FBRSL1: variants seen among roughly 807,000 people sequenced by gnomAD.
FBRSL1 encodes fibrosin-1-like protein.
FBRSL1 carries 51 observed loss-of-function variants against 89.6 expected under a neutral mutation model. The observed-to-expected ratio is 0.57, with a 90% CI of 0.45 to 0.72. The LOEUF is 0.72. Ranked by LOEUF, FBRSL1 falls within the 30% of genes least tolerant of loss-of-function variation. The probability of loss-of-function intolerance (pLI) is 0.00; values close to 1 mark genes in which losing one functional copy is unlikely to be tolerated. For missense variants in FBRSL1, 1,618 were observed against 1,451.8 expected (o/e 1.11, Z -1.86); for synonymous variants, 779 against 681.1 (o/e 1.14, Z -2.24).
rs1280012099 is a variant in FBRSL1 at position 132,490,169 on chromosome 12, G to T, written c.-402G>T. On this transcript the variant is annotated 5_prime_UTR_variant, in exon 1 of 19. Transcript: ENST00000680143. ...GAAGTGCGTCAGTTGTTATCTGTTC[G>T]GGGCGCCGCCGCCGCCTCACGAGCC... 1 of 147,864 alleles carries T rather than the reference G, an allele frequency of 6.8e-6. No homozygotes were observed. Among genetic ancestry groups the T allele is most frequent in the Admixed American group, 6.7e-5 (1 of 14,880 alleles). 9.2% of individuals were successfully genotyped at this position (147,864 alleles called of 1,614,324 possible). A position where few individuals can be genotyped will look rare whatever the true frequency, so the allele number is the denominator to read the frequency against.
chr12:132,550,327 G>A (rs923571303), intron 5 of FBRSL1, among the ~76,000 whole-genome samples: 7 of 152,042 alleles, frequency 4.6e-5, no homozygotes, highest in South Asian at 2.1e-4. Flanking sequence ...GGGCGGGGAC[G>A]GAGAAGGCAG....
intron 1 of FBRSL1, among the ~76,000 whole-genome samples, chr12:132,505,690 C>T (rs967043682): frequency 2.6e-5 from 4 of 152,194 alleles, no homozygotes; most frequent in Admixed American, 1.3e-4. Context: ...CCTCCTTGGT[C>T]GTGCCTCTCT....
At chr12:132,582,948 C>T (rs769327177) in intron 18 of FBRSL1, 23 bp from the exon 19 acceptor site, 27 of 1,379,794 alleles carry the variant, frequency 2.0e-5, no homozygotes, top group Non-Finnish European at 2.5e-5. Context: ...TCGGGAGTGA[C>T]GGGTCCGCCC....
At position 132,573,944 on chromosome 12, in the gene FBRSL1, A is replaced by G. The variant is rs536335285; in HGVS notation, c.1531-146A>G. 8.6e-3 allele frequency: 2,063 copies of G among 240,762 alleles called. 40 individuals carry two copies. The highest frequency in any genetic ancestry group is 0.044 in the African/African-American group (1,902 of 43,426). The allele number at this position is 240,762 out of a possible 1,614,324, so 14.9% of individuals were successfully genotyped here. ...CAAAAGTGTGGTGGTCCTGCGAGGG[A>G]GGGCAGGCTGTCCCTGGGAGACAGC... On this transcript the variant is annotated intron_variant, in intron 11 of 18. Coordinates refer to ENST00000680143, the MANE Select transcript of FBRSL1 (RefSeq NM_001367871.1).
chr12:132,534,115 G>A (rs1055276180), intron 4 of FBRSL1, among the ~76,000 whole-genome samples: 4 of 152,174 alleles, frequency 2.6e-5, no homozygotes, highest in African/African-American at 9.7e-5. Flanking sequence ...CAGGGTCCAG[G>A]CCAGGTTTGT....
intron 1 of FBRSL1, among the ~76,000 whole-genome samples, chr12:132,497,146 G>A (rs928689656): frequency 2.6e-5 from 4 of 152,304 alleles, no homozygotes; most frequent in African/African-American, 7.2e-5. Flanking sequence ...TTTCTGTAAC[G>A]TCAAAATGGC....
chr12:132,506,482 G>A (rs2033700419), intron 1 of FBRSL1, among the ~76,000 whole-genome samples: 3 of 152,228 alleles, frequency 2.0e-5, no homozygotes, highest in Admixed American at 1.3e-4. Context: ...TCTTTGCCCA[G>A]TAGAAAGACA....
intron 2 of FBRSL1, chr12:132,510,869 C>T (rs1360101222): frequency 3.9e-5 from 40 of 1,031,012 alleles, no homozygotes; most frequent in Non-Finnish European, 4.5e-5. Flanking sequence ...CAATACTGTC[C>T]TTGCATCTCT....
chr12:132,559,755 C>T (rs542569917), intron 5 of FBRSL1, among the ~76,000 whole-genome samples: 2 of 152,360 alleles, frequency 1.3e-5, no homozygotes, highest in East Asian at 3.9e-4. Context: ...GTGTCCGTAA[C>T]TTCTTGTTGT....
chr12:132,581,887 C>A, intron 17 of FBRSL1, 63 bp downstream of exon 17: 1 of 1,441,354 alleles, frequency 6.9e-7, no homozygotes, highest in South Asian at 1.4e-5. Flanking sequence ...TGCCTGTGTC[C>A]TCTGCAGGAA....
Position 132,548,160 on chromosome 12 carries a change from G to A in FBRSL1, c.645+128G>A, listed in dbSNP as rs1165320726. The A allele has an allele frequency of 2.7e-6, 3 of 1,120,762 alleles. No homozygotes were observed. In the East Asian group the frequency reaches 7.9e-5, roughly 29 times the overall value. The allele number at this position is 1,120,762 out of a possible 1,614,324, so 69.4% of individuals were successfully genotyped here. ...CCTTGGGGGGATCCCCCCGCCCGGT[G>A]GGTGCAGGGGGCTTGTGGCCTCCCA... On this transcript the variant is annotated intron_variant, in intron 5 of 18. Coordinates refer to ENST00000680143, the MANE Select transcript of FBRSL1 (RefSeq NM_001367871.1).
At chr12:132,536,620 G>A (rs1169350348) in intron 4 of FBRSL1, among the ~76,000 whole-genome samples, 1 of 150,666 alleles carries the variant, frequency 6.6e-6, no homozygotes, top group Admixed American at 6.6e-5. Flanking sequence ...GTGTGTGAGT[G>A]CATTGTACAT....
chr12:132,558,492 G>T (rs1395646517), intron 5 of FBRSL1, among the ~76,000 whole-genome samples: 1 of 152,250 alleles, frequency 6.6e-6, no homozygotes, highest in South Asian at 2.1e-4. Flanking sequence ...ACGCAAGCGC[G>T]TGCCGTTTTC....
intron 3 of FBRSL1, among the ~76,000 whole-genome samples, chr12:132,527,087 C>T (rs1004047728): frequency 3.3e-5 from 5 of 151,676 alleles, no homozygotes; most frequent in Non-Finnish European, 7.4e-5. Context: ...CAGCTACCAT[C>T]CCCCAGCCCC....
chr12:132,516,355 T>C (rs1027043584), intron 2 of FBRSL1, among the ~76,000 whole-genome samples: 4 of 152,138 alleles, frequency 2.6e-5, no homozygotes, highest in Non-Finnish European at 4.4e-5. Context: ...CAGCTAATTT[T>C]TGTATTTTTA....
At chr12:132,567,856 A>T (rs868184187) in intron 6 of FBRSL1, among the ~76,000 whole-genome samples, 8 of 152,324 alleles carry the variant, frequency 5.3e-5, no homozygotes, top group Non-Finnish European at 7.4e-5. Context: ...CACGAGCACC[A>T]CAATCACCTG....
chr12:132,573,744 T>A (rs2040200360), intron 11 of FBRSL1, among the ~76,000 whole-genome samples: 1 of 152,104 alleles, frequency 6.6e-6, no homozygotes, highest in African/African-American at 2.4e-5. Context: ...AACGACCATC[T>A]CCCCTTGGCC....
At chr12:132,527,664 T>A (rs1253433686) in intron 3 of FBRSL1, among the ~76,000 whole-genome samples, 23 of 54,228 alleles carry the variant, frequency 4.2e-4, no homozygotes, top group Non-Finnish European at 6.0e-4. Context: ...GGCAGGGTTG[T>A]GGGCTGCGGG....
chr12:132,494,954 C>A (rs1314842896), intron 1 of FBRSL1, among the ~76,000 whole-genome samples: 5 of 152,230 alleles, frequency 3.3e-5, no homozygotes, highest in South Asian at 2.1e-4. Flanking sequence ...TTAAGAAACC[C>A]CAGGCTACTG....
Sources: gnomAD v4.1 joint callset for allele counts (sites outside exome capture counted in the v4.1 genomes callset) on GRCh38, gnomAD v4.1.1 for gene constraint, MANE v1.5 for transcripts, NCBI Gene and HGNC (gene_info 2026-07-23, HGNC 2026-07-21) for gene names.